PRKG1: variants seen among roughly 807,000 people sequenced by gnomAD.
PRKG1 encodes the protein cGMP-dependent protein kinase 1.
PRKG1 carries 35 observed loss-of-function variants against 88.1 expected under a neutral mutation model. The ratio of observed to expected loss-of-function variants is 0.40; its 90% CI spans 0.30 to 0.53. PRKG1 has a LOEUF of 0.53. Ranked by LOEUF, PRKG1 falls within the 20% of genes least tolerant of loss-of-function variation. The pLI, the probability that PRKG1 is intolerant of heterozygous loss-of-function variation, is 0.59. For missense variants in PRKG1, 540 were observed against 839.8 expected, an observed-to-expected ratio of 0.64 and a Z score of 4.41; for synonymous variants, 303 against 292.5, an observed-to-expected ratio of 1.04 and a Z score of -0.37.
At chr10:51,063,737 G>T (rs1365500202) in intron 1 of PRKG1, among the ~76,000 whole-genome samples, 1 of 152,064 alleles carries the variant, frequency 6.6e-6, no homozygotes, top group Non-Finnish European at 1.5e-5. Flanking sequence ...ATTTTTTGAG[G>T]ATCTGCTAAT....
At chr10:51,439,439 T>A (rs1839032995) in intron 2 of PRKG1, among the ~76,000 whole-genome samples, 1 of 151,890 alleles carries the variant, frequency 6.6e-6, no homozygotes, top group Non-Finnish European at 1.5e-5. Context: ...AGATAGATCT[T>A]AGCTTCTCAC....
At chr10:51,292,987 C>T (rs886844071) in intron 2 of PRKG1, among the ~76,000 whole-genome samples, 1 of 152,062 alleles carries the variant, frequency 6.6e-6, no homozygotes, top group East Asian at 1.9e-4. Flanking sequence ...TCAAGACAGA[C>T]CCAATCTCTG....
intron 12 of PRKG1, among the ~76,000 whole-genome samples, chr10:52,277,726 A>G (rs1401829746): frequency 6.6e-6 from 1 of 152,134 alleles, no homozygotes; most frequent in Non-Finnish European, 1.5e-5. Flanking sequence ...TTGTATTAGC[A>G]TTTTTCCATC....
chr10:51,951,575 A>C (rs1038223897), intron 5 of PRKG1, among the ~76,000 whole-genome samples: 3 of 152,194 alleles, frequency 2.0e-5, no homozygotes, highest in African/African-American at 7.2e-5. Flanking sequence ...TATTTTTCCA[A>C]AGACCTTATG....
chr10:51,191,775 T>C (rs1837637522), intron 2 of PRKG1, among the ~76,000 whole-genome samples: 1 of 151,840 alleles, frequency 6.6e-6, no homozygotes, highest in Non-Finnish European at 1.5e-5. Flanking sequence ...AGAGTAAGAC[T>C]ACAGTGCCTT....
chr10:51,550,193 A>G (rs1019589078), intron 3 of PRKG1, among the ~76,000 whole-genome samples: 1 of 152,094 alleles, frequency 6.6e-6, no homozygotes, highest in Non-Finnish European at 1.5e-5. Context: ...GAACATGTAA[A>G]ACTATGACCT....
intron 3 of PRKG1, among the ~76,000 whole-genome samples, chr10:51,676,847 G>C (rs1316192313): frequency 6.6e-6 from 1 of 152,092 alleles, no homozygotes; most frequent in Non-Finnish European, 1.5e-5. Flanking sequence ...TTGATTCAAG[G>C]CTAATGTAAT....
rs540458212 is a variant in PRKG1, at chr10:51,505,183, G to T, written c.592+37347G>T. Among the ~76,000 whole-genome samples the T allele has an allele frequency of 5.6e-4, 85 of 151,978 alleles. 1 individual carries two copies. Among genetic ancestry groups the T allele is most frequent in the South Asian group, 1.7e-3 (8 of 4,804 alleles). ...TTTATTGAGAGTTTTTAGCATGAAG[G>T]GTTGTTGAATTTTGTCAAAGGCCTT... On this transcript the variant is annotated intron_variant, in intron 3 of 17. Transcript: ENST00000373980.
chr10:51,737,745 TTATTATTATTA>T (rs1564627500), intron 3 of PRKG1, among the ~76,000 whole-genome samples: 17,240 of 118,090 alleles, frequency 0.15, 1,226 homozygotes, highest in African/African-American at 0.2. Context: ...TTATTAATTA[TTATTATTATTA>T]TTATTATTAT....
At chr10:52,003,918 C>T (rs2133154839) in intron 5 of PRKG1, among the ~76,000 whole-genome samples, 1 of 152,236 alleles carries the variant, frequency 6.6e-6, no homozygotes, top group Non-Finnish European at 1.5e-5. Flanking sequence ...AATCTAGTTA[C>T]TTTGTGGCCC....
intron 2 of PRKG1, among the ~76,000 whole-genome samples, chr10:51,440,026 T>C (rs2132745411): frequency 6.6e-6 from 1 of 152,024 alleles, no homozygotes; most frequent in African/African-American, 2.4e-5. Flanking sequence ...AAATTGAACT[T>C]GAAACTACCC....
intron 3 of PRKG1, among the ~76,000 whole-genome samples, chr10:51,610,201 C>A (rs1838871647): frequency 6.6e-6 from 1 of 152,000 alleles, no homozygotes; most frequent in African/African-American, 2.4e-5. Flanking sequence ...CTATAGTAAC[C>A]TTACTAATCT....
At chr10:51,568,012 T>C (rs1337529246) in intron 3 of PRKG1, among the ~76,000 whole-genome samples, 1 of 152,080 alleles carries the variant, frequency 6.6e-6, no homozygotes, top group African/African-American at 2.4e-5. Flanking sequence ...TCAGAATAAC[T>C]TCTTCCCTGT....
chr10:52,176,021 C>T (rs568377014), intron 9 of PRKG1, among the ~76,000 whole-genome samples: 2 of 151,852 alleles, frequency 1.3e-5, no homozygotes, highest in Non-Finnish European at 2.9e-5. Context: ...TGTTTATTTT[C>T]ACTTCTGTTG....
intron 2 of PRKG1, among the ~76,000 whole-genome samples, chr10:51,183,579 C>T (rs1837407716): frequency 6.6e-6 from 1 of 152,044 alleles, no homozygotes. Context: ...GAGTAAATTT[C>T]AATGAAGAGA....
chr10:51,540,290 TC>T (rs1308931407), intron 3 of PRKG1, among the ~76,000 whole-genome samples: 2 of 152,244 alleles, frequency 1.3e-5, no homozygotes, highest in African/African-American at 2.4e-5. Flanking sequence ...AGGAATATAT[TC>T]TGTTACAACT....
intron 10 of PRKG1, among the ~76,000 whole-genome samples, chr10:52,262,033 TC>T (rs2132417135): frequency 6.6e-6 from 1 of 152,216 alleles, no homozygotes; most frequent in South Asian, 2.1e-4. Flanking sequence ...AAGTAAAACT[TC>T]CTTAAATTTA....
chr10:51,946,896 G>A (rs1341049750), intron 5 of PRKG1, among the ~76,000 whole-genome samples: 1 of 152,020 alleles, frequency 6.6e-6, no homozygotes, highest in South Asian at 2.1e-4. Context: ...CAGTTAGGCT[G>A]CTCAGGGGTC....
At chr10:51,274,756 A>G (rs1197758718) in intron 2 of PRKG1, among the ~76,000 whole-genome samples, 2 of 152,228 alleles carry the variant, frequency 1.3e-5, no homozygotes, top group Non-Finnish European at 2.9e-5. Context: ...GAAACAGACA[A>G]TGGAGAAAAA....
Sources: gnomAD v4.1 joint callset for allele counts (sites outside exome capture counted in the v4.1 genomes callset) on GRCh38, gnomAD v4.1.1 for gene constraint, MANE v1.5 for transcripts, NCBI Gene and HGNC (gene_info 2026-07-23, HGNC 2026-07-21) for gene names.